The following CDIP1 variants were observed in gnomAD, a reference collection of about 807,000 sequenced individuals.
CDIP1 encodes cell death-inducing p53-target protein 1.
A neutral mutation model predicts 17.7 loss-of-function variants in CDIP1; 9 were observed. The observed-to-expected ratio is 0.51, with a 90% confidence interval of 0.31 to 0.89. The LOEUF is 0.89. Among genes scored for constraint, CDIP1 ranks in the 40% least tolerant of loss-of-function variants. The pLI is 0.05. For missense variants in CDIP1, 263 were observed against 277.9 expected, an observed-to-expected ratio of 0.95 and a Z score of 0.38; for synonymous variants, 117 against 109.5, an observed-to-expected ratio of 1.07 and a Z score of -0.43.
At chr16:4,518,373 C>T (rs2058909819) in intron 1 of CDIP1, among the ~76,000 whole-genome samples, 2 of 152,228 alleles carry the variant, frequency 1.3e-5, no homozygotes, top group African/African-American at 4.8e-5. Flanking sequence ...AACCTGGGTA[C>T]AGAAAATGCA....
Position 4,513,185 on chromosome 16 carries a change from T to A in CDIP1, c.242-121A>T. ...AGCGTGCAAGGCTACGCCTCAGACC[T>A]CCTACCGCCCTCCTAACGGGCCAGT... On this transcript the variant is annotated intron_variant, in intron 4 of 5. Coordinates refer to ENST00000567695, the MANE Select transcript of CDIP1 (RefSeq NM_013399.3). The surrounding 1 kb of genome is among the most constrained non-coding windows in gnomAD (Gnocchi z 4.1). The A allele has an allele frequency of 9.6e-7, 1 of 1,046,190 alleles. No homozygotes were observed. The highest frequency in any genetic ancestry group is 1.3e-6 in the Non-Finnish European group (1 of 744,480). The allele number at this position is 1,046,190 out of a possible 1,614,324, so 64.8% of individuals were successfully genotyped here.
chr16:4,524,816 C>T (rs1008332481), intron 1 of CDIP1, among the ~76,000 whole-genome samples: 2 of 152,186 alleles, frequency 1.3e-5, no homozygotes, highest in Non-Finnish European at 2.9e-5. Context: ...TACAAATATA[C>T]AGCACAGACA....
At chr16:4,516,066 G>A (rs1240163446) in intron 1 of CDIP1, among the ~76,000 whole-genome samples, 2 of 152,162 alleles carry the variant, frequency 1.3e-5, no homozygotes, top group East Asian at 3.8e-4. Context: ...ACCGTAGGCT[G>A]CCCAGACAAT....
chr16:4,522,491 G>A (rs2058961310), intron 1 of CDIP1: 1 of 152,296 alleles, frequency 6.6e-6, no homozygotes, highest in Non-Finnish European at 1.5e-5. Context: ...GCAGGTCCCA[G>A]GCATCCAGCC....
At chr16:4,517,757 A>T (rs2058902988) in intron 1 of CDIP1, among the ~76,000 whole-genome samples, 1 of 151,968 alleles carries the variant, frequency 6.6e-6, no homozygotes, top group South Asian at 2.1e-4. Context: ...CAAAAAAAAA[A>T]AAAACAGAAC....
intron 1 of CDIP1, among the ~76,000 whole-genome samples, chr16:4,536,238 T>C (rs2059104906): frequency 6.6e-6 from 1 of 152,228 alleles, no homozygotes; most frequent in Non-Finnish European, 1.5e-5. Flanking sequence ...ACAGGGCCTA[T>C]CTTTTCTCTC....
Position 4,512,650 on chromosome 16 carries a change from G to A in CDIP1, c.549C>T (p.Leu183=), listed in dbSNP as rs867144446. Residue 183 remains leucine, a synonymous_variant, in exon 6 of 6, where the codon CTC becomes CTT. Coordinates refer to ENST00000567695, the MANE Select transcript of CDIP1 (RefSeq NM_013399.3). This position sits in a 1 kb window ranked among gnomAD's most constrained non-coding sequence, Gnocchi z 4.6. ...GCGTCACATCCTTGAAGTCATTGAT[G>A]AGGCAGGGGATCAGGCAGCAGCCCA... ...CDLGCCLIPC[L]INDFKDVTHT... The A allele has an allele frequency of 6.2e-7, 1 of 1,614,010 alleles. No homozygotes were observed. The highest frequency in any genetic ancestry group is 1.6e-4 in the Middle Eastern group (1 of 6,062).
At chr16:4,517,679 T>G (rs1426829374) in intron 1 of CDIP1, among the ~76,000 whole-genome samples, 11 of 151,626 alleles carry the variant, frequency 7.3e-5, no homozygotes, top group African/African-American at 7.3e-5. Context: ...ACTCAGAGGA[T>G]ACAGTGAGCC....
chr16:4,531,754 C>G (rs1306122983), intron 1 of CDIP1, among the ~76,000 whole-genome samples: 1 of 152,240 alleles, frequency 6.6e-6, no homozygotes, highest in Admixed American at 6.5e-5. Flanking sequence ...TCTTTTCTCA[C>G]ACATTCTCCA....
chr16:4,533,488 T>G (rs750648100), intron 1 of CDIP1: 1 of 152,302 alleles, frequency 6.6e-6, no homozygotes, highest in Non-Finnish European at 1.5e-5. Context: ...TTCACTCCCA[T>G]TGCCAAACTG....
intron 1 of CDIP1, among the ~76,000 whole-genome samples, chr16:4,522,709 T>A (rs547503340): frequency 6.6e-6 from 1 of 152,118 alleles, no homozygotes; most frequent in Non-Finnish European, 1.5e-5. Context: ...AAGCAAGAAG[T>A]GAGCCAGAAG....
chr16:4,526,110 A>G (rs2058997433), intron 1 of CDIP1, among the ~76,000 whole-genome samples: 1 of 152,204 alleles, frequency 6.6e-6, no homozygotes, highest in Non-Finnish European at 1.5e-5. Flanking sequence ...CTCAGCGGAA[A>G]TAAGACACCA....
intron 1 of CDIP1, among the ~76,000 whole-genome samples, chr16:4,517,381 C>T (rs2058899277): frequency 6.6e-6 from 1 of 152,076 alleles, no homozygotes; most frequent in African/African-American, 2.4e-5. Context: ...GTCTAGGACC[C>T]CAGCATGACT....
At chr16:4,517,362 G>A (rs973656243) in intron 1 of CDIP1, among the ~76,000 whole-genome samples, 21 of 152,122 alleles carry the variant, frequency 1.4e-4, no homozygotes, top group Admixed American at 1.1e-3. Flanking sequence ...AGGATGGGGC[G>A]GGGCATAAGT....
chr16:4,524,929 C>T (rs571369673), intron 1 of CDIP1, among the ~76,000 whole-genome samples: 27 of 152,154 alleles, frequency 1.8e-4, no homozygotes, highest in African/African-American at 6.5e-4. Flanking sequence ...ATAACAAGAT[C>T]CCATCTCTAC....
At chr16:4,534,677 C>T (rs916353838) in intron 1 of CDIP1, among the ~76,000 whole-genome samples, 2 of 151,254 alleles carry the variant, frequency 1.3e-5, no homozygotes, top group African/African-American at 4.9e-5. Context: ...CCTGTGAGGC[C>T]GCTGTTTGCA....
At chr16:4,517,434 GT>G (rs1218686831) in intron 1 of CDIP1, among the ~76,000 whole-genome samples, 3 of 152,116 alleles carry the variant, frequency 2.0e-5, no homozygotes, top group Non-Finnish European at 4.4e-5. Flanking sequence ...ATGGCACAGG[GT>G]TAAGAAAAGG....
rs1331216549 is a variant in CDIP1, at chr16:4,538,700, A to T, written c.-105+2T>A. 1 of 152,144 alleles carries T rather than the reference A, an allele frequency of 6.6e-6. No individual in the cohort carries two copies. The highest frequency in any genetic ancestry group is 2.4e-5 in the African/African-American group (1 of 41,392). 9.4% of individuals were successfully genotyped at this position (152,144 alleles called of 1,614,324 possible). A position where few individuals can be genotyped will look rare whatever the true frequency, so the allele number is the denominator to read the frequency against. On this transcript the variant is annotated splice_donor_variant, in intron 1 of 5. Transcript: ENST00000567695. LOFTEE classifies it low-confidence loss of function (5UTR_SPLICE). ...GTCTCCGAATGCGTCCAGTCGACTC[A>T]CCGTCCCCGCAGCCCTGGGGCAGCG...
chr16:4,515,094 G>A (rs529671076), intron 1 of CDIP1: 1 of 152,366 alleles, frequency 6.6e-6, no homozygotes, highest in Non-Finnish European at 1.5e-5. Context: ...GGAAGCTTTT[G>A]CTCTTACTTA....
Sources: allele counts gnomAD v4.1 joint callset (sites outside exome capture counted in the v4.1 genomes callset), GRCh38; gene constraint gnomAD v4.1.1; non-coding constraint Gnocchi (gnomAD v3.1); transcripts MANE v1.5; gene names NCBI Gene and HGNC (gene_info 2026-07-23, HGNC 2026-07-21).